KDM4D: variants seen among roughly 807,000 people sequenced by gnomAD.
KDM4D encodes the protein lysine-specific demethylase 4D.
For missense variants in KDM4D, 427 were observed against 674.8 expected (o/e 0.63, Z 4.07); for synonymous variants, 254 against 249.1 (o/e 1.02, Z -0.19).
At chr11:94,980,745 T>C (rs1466699197) in intron 2 of KDM4D, among the ~76,000 whole-genome samples, 1 of 152,180 alleles carries the variant, frequency 6.6e-6, no homozygotes, top group Non-Finnish European at 1.5e-5. Context: ...AGAAATATCA[T>C]TGATTTTTAT....
chr11:94,982,285 C>T lies in KDM4D; in HGVS notation c.-350+6537C>T, dbSNP rs187350682. On this transcript the variant is annotated intron_variant, in intron 2 of 2. Coordinates refer to ENST00000335080, the MANE Select transcript of KDM4D (RefSeq NM_018039.3). Reference sequence around the variant, plus strand: ...TTGGAAAAATATATATTCTGCAGCTCGGCAGAACTGAATTTTATATGACTA... The same window carrying T: ...TTGGAAAAATATATATTCTGCAGCTTGGCAGAACTGAATTTTATATGACTA... 1.6e-3 allele frequency among the ~76,000 whole-genome samples: 241 copies of T among 151,846 alleles called. 1 individual carries two copies. Among genetic ancestry groups the T allele is most frequent in the Non-Finnish European group, 2.8e-3 (189 of 67,816 alleles).
chr11:94,975,237 A>C (rs1418843545), intron 1 of KDM4D, among the ~76,000 whole-genome samples: 1 of 152,032 alleles, frequency 6.6e-6, no homozygotes, highest in Non-Finnish European at 1.5e-5. Flanking sequence ...CACCCCTCCA[A>C]CACTTGTGTT....
At chr11:94,993,271 GT>G (rs1857950521) in intron 2 of KDM4D, among the ~76,000 whole-genome samples, 1 of 152,126 alleles carries the variant, frequency 6.6e-6, no homozygotes, top group Admixed American at 6.5e-5. Context: ...TTCTTTGGTT[GT>G]CAGAACTGTC....
chr11:94,992,657 T>C (rs925237708), intron 2 of KDM4D, among the ~76,000 whole-genome samples: 2 of 152,148 alleles, frequency 1.3e-5, no homozygotes, highest in East Asian at 3.8e-4. Flanking sequence ...ATTTCATTTA[T>C]AAGTATCTAA....
Position 94,998,311 on chromosome 11 carries a change from G to A in KDM4D, c.939G>A (p.Gly313=). The A allele has an allele frequency of 6.2e-7, 1 of 1,614,202 alleles. No homozygotes were observed. The highest frequency in any genetic ancestry group is 8.5e-7 in the Non-Finnish European group (1 of 1,180,024). The part of the protein sequence containing the change: ...YGKMASQCSC[G]EARVTFSMDA... ...AAATGGCCTCCCAGTGTAGCTGTGG[G>A]GAGGCAAGGGTGACCTTTTCCATGG... The change falls in exon 3 of 3, where the codon GGG becomes GGA. Residue 313 remains glycine (G), a synonymous_variant. Coordinates refer to ENST00000335080, the MANE Select transcript of KDM4D (RefSeq NM_018039.3). The surrounding 1 kb of genome is among the most constrained non-coding windows in gnomAD (Gnocchi z 6.7).
At chr11:94,977,992 T>C (rs587635395) in intron 2 of KDM4D, among the ~76,000 whole-genome samples, 43 of 152,314 alleles carry the variant, frequency 2.8e-4, no homozygotes, top group African/African-American at 1.0e-3. Context: ...AGGAAAAAAG[T>C]AACTTACATT....
chr11:94,988,724 C>T (rs948714488), intron 2 of KDM4D, among the ~76,000 whole-genome samples: 1 of 152,162 alleles, frequency 6.6e-6, no homozygotes, highest in Non-Finnish European at 1.5e-5. Flanking sequence ...AGGCTCCAAT[C>T]CCTAGTCTCT....
At position 94,997,733 on chromosome 11, in the gene KDM4D, T is replaced by C. The variant is rs139330170; in HGVS notation, c.361T>C (p.Leu121=). The change falls in exon 3 of 3, where the codon TTG becomes CTG. Residue 121 remains leucine, a synonymous_variant. Transcript: ENST00000335080. ...TCCACCACACCAGAATTTCGAAGATTTGGAGCGAAAATACTGGAAGAACCG... is the reference window on the plus strand; with the variant it reads ...TCCACCACACCAGAATTTCGAAGATCTGGAGCGAAAATACTGGAAGAACCG... ...QTPPHQNFED[L]ERKYWKNRIY... The C allele has an allele frequency of 7.1e-4, 1,153 of 1,614,122 alleles. 1 individual carries two copies. The highest frequency in any genetic ancestry group is 9.4e-4 in the Non-Finnish European group (1,115 of 1,180,046).
At chr11:94,987,160 A>G (rs916106533) in intron 2 of KDM4D, among the ~76,000 whole-genome samples, 1 of 152,206 alleles carries the variant, frequency 6.6e-6, no homozygotes, top group Admixed American at 6.5e-5. Context: ...TGGGGGTGGA[A>G]ATGAGCTGTG....
In KDM4D at chr11:94,998,300, T is replaced by C. The variant is rs1857992660; in HGVS notation, c.928T>C (p.Cys310Arg). 2 of 1,614,154 alleles carry C rather than the reference T, an allele frequency of 1.2e-6. No individual in the cohort carries two copies. The highest frequency in any genetic ancestry group is 1.7e-6 in the Non-Finnish European group (2 of 1,180,014). Reference protein sequence around the residue: ...WIDYGKMASQCSCGEARVTFS... With the variant: ...WIDYGKMASQRSCGEARVTFS... ...TGATTATGGCAAAATGGCCTCCCAG[T>C]GTAGCTGTGGGGAGGCAAGGGTGAC... The change falls in exon 3 of 3, where the codon TGT becomes CGT. Residue 310 changes from cysteine to arginine, a missense_variant. By Grantham distance (180) the Cys-to-Arg change is radical. Transcript: ENST00000335080. The surrounding 1 kb of genome is among the most constrained non-coding windows in gnomAD (Gnocchi z 6.7).
chr11:94,995,654 C>T (rs1411369738), intron 2 of KDM4D, among the ~76,000 whole-genome samples: 2 of 152,038 alleles, frequency 1.3e-5, no homozygotes, highest in Non-Finnish European at 2.9e-5. Context: ...TAAAAACTGC[C>T]CCTAGTTTAA....
At chr11:94,979,310 A>G (rs1272152737) in intron 2 of KDM4D, among the ~76,000 whole-genome samples, 2 of 151,930 alleles carry the variant, frequency 1.3e-5, no homozygotes, top group African/African-American at 4.8e-5. Flanking sequence ...GCTCACTGCA[A>G]CCTCCTTCTC....
intron 2 of KDM4D, among the ~76,000 whole-genome samples, chr11:94,978,958 ATGG>A (rs776107148): frequency 6.6e-6 from 1 of 152,176 alleles, no homozygotes; most frequent in Non-Finnish European, 1.5e-5. Context: ...ATCTAAAATC[ATGG>A]TGGGAATTTT....
At chr11:94,976,776 A>G (rs1481119650) in intron 2 of KDM4D, among the ~76,000 whole-genome samples, 2 of 152,206 alleles carry the variant, frequency 1.3e-5, no homozygotes, top group Non-Finnish European at 2.9e-5. Flanking sequence ...TCCAGTTTAA[A>G]GCTTAAACAA....
At chr11:94,992,141 TGAA>T (rs1299845797) in intron 2 of KDM4D, among the ~76,000 whole-genome samples, 1 of 151,982 alleles carries the variant, frequency 6.6e-6, no homozygotes, top group Non-Finnish European at 1.5e-5. Context: ...TCCATCTAGA[TGAA>T]GAAGTATTAT....
intron 2 of KDM4D, among the ~76,000 whole-genome samples, chr11:94,981,524 G>T (rs587698930): frequency 8.6e-5 from 13 of 151,950 alleles, no homozygotes; most frequent in African/African-American, 2.9e-4. Context: ...GTCCTTGAGG[G>T]TTATGGATAT....
chr11:94,988,184 A>T (rs1361504428), intron 2 of KDM4D, among the ~76,000 whole-genome samples: 2 of 152,226 alleles, frequency 1.3e-5, no homozygotes, highest in African/African-American at 4.8e-5. Flanking sequence ...GACAGATTAC[A>T]AAAAGGAACA....
At chr11:94,979,488 C>G (rs1015009887) in intron 2 of KDM4D, among the ~76,000 whole-genome samples, 24 of 152,294 alleles carry the variant, frequency 1.6e-4, no homozygotes, top group Middle Eastern at 3.4e-3. Context: ...CCTCGGCCTT[C>G]CAAAGTGCTG....
intron 2 of KDM4D, among the ~76,000 whole-genome samples, chr11:94,976,628 G>C (rs997879037): frequency 6.6e-6 from 1 of 152,012 alleles, no homozygotes; most frequent in Admixed American, 6.6e-5. Context: ...TTTGGACATG[G>C]TATAGTATAT....
Sources: allele counts gnomAD v4.1 joint callset (sites outside exome capture counted in the v4.1 genomes callset), GRCh38; gene constraint gnomAD v4.1.1; non-coding constraint Gnocchi (gnomAD v3.1); transcripts MANE v1.5; gene names NCBI Gene and HGNC (gene_info 2026-07-23, HGNC 2026-07-21).